Variants in KCMF1 observed in about 807,000 individuals in gnomAD.
KCMF1 encodes potassium channel modulatory factor 1.
A neutral mutation model predicts 41.1 loss-of-function variants in KCMF1; 3 were observed. The ratio of observed to expected loss-of-function variants is 0.07; its 90% CI spans 0.03 to 0.19. The LOEUF is 0.19. KCMF1 is among the 10% of genes least tolerant of loss of function. The pLI is 1.00. For missense variants in KCMF1, 286 were observed against 488.9 expected, an observed-to-expected ratio of 0.58 and a Z score of 3.91; for synonymous variants, 142 against 164.5, an observed-to-expected ratio of 0.86 and a Z score of 1.04.
chr2:85,050,762 T>A (rs1189863466), intron 6 of KCMF1, among the ~76,000 whole-genome samples: 3 of 152,258 alleles, frequency 2.0e-5, no homozygotes, highest in African/African-American at 7.2e-5. Flanking sequence ...TTCATTGGGA[T>A]GTTAGAGGAA....
chr2:85,027,711 A>G (rs545012909), intron 1 of KCMF1, among the ~76,000 whole-genome samples, 178 bp from the exon 2 acceptor site: 9 of 152,264 alleles, frequency 5.9e-5, no homozygotes, highest in African/African-American at 2.2e-4. Context: ...CATGTGGAGT[A>G]TAAATCAGAG....
At chr2:85,040,031 G>T (rs1675488814) in intron 3 of KCMF1, among the ~76,000 whole-genome samples, 2 of 152,192 alleles carry the variant, frequency 1.3e-5, no homozygotes, top group South Asian at 4.2e-4. Context: ...GGCCAGACTG[G>T]TCTCAAACTC....
chr2:84,979,036 TG>T (rs1476199158), intron 1 of KCMF1, among the ~76,000 whole-genome samples: 7 of 151,652 alleles, frequency 4.6e-5, no homozygotes, highest in African/African-American at 1.5e-4. Flanking sequence ...TTAGTAGAGA[TG>T]GGATTTCACC....
At position 85,047,809 on chromosome 2, in the gene KCMF1, T is replaced by C. The variant is rs527618040; in HGVS notation, c.601+1531T>C. Among the ~76,000 whole-genome samples, 5 of 152,266 alleles carry C rather than the reference T, an allele frequency of 3.3e-5. No homozygotes were observed. The South Asian group carries it at 8.3e-4, about 25-fold the overall frequency. ...AAGCAACAATTCTGAAATGTGTCCA[T>C]GTGGTGAAGTGTGCACCTACCTGGA... is the stretch of plus-strand genomic sequence containing the variant. On this transcript the variant is annotated intron_variant, in intron 5 of 6. Transcript: ENST00000409785.
At chr2:85,017,663 G>A (rs17040865) in intron 1 of KCMF1, among the ~76,000 whole-genome samples, 12,356 of 150,654 alleles carry the variant, frequency 0.082, 810 homozygotes, top group East Asian at 0.36. Flanking sequence ...AAATGAGGTC[G>A]ACTTCCTGTT....
chr2:84,994,417 T>C (rs181727739), intron 1 of KCMF1, among the ~76,000 whole-genome samples: 10 of 152,178 alleles, frequency 6.6e-5, no homozygotes, highest in Admixed American at 2.0e-4. Context: ...CTTCTTTTTT[T>C]TTTGAGACGG....
At position 85,002,578 on chromosome 2, in the gene KCMF1, T is replaced by A. The variant is rs554744497; in HGVS notation, c.17-25311T>A. 1.6e-4 allele frequency among the ~76,000 whole-genome samples: 24 copies of A among 151,992 alleles called. No homozygotes were observed. In the South Asian group the frequency reaches 2.5e-3, roughly 16 times the overall value. On this transcript the variant is annotated intron_variant, in intron 1 of 6. Transcript: ENST00000409785. ...GAAACCAACACTAGTACATTATTAC[T>A]AATAAAGCTCCTGACTTTATTGAGG...
At chr2:85,004,632 A>AT (rs1674421181) in intron 1 of KCMF1, among the ~76,000 whole-genome samples, 1 of 151,980 alleles carries the variant, frequency 6.6e-6, no homozygotes, top group Admixed American at 6.6e-5. Flanking sequence ...GAACAACTGA[A>AT]TTTTTTGGAG....
At chr2:84,987,371 G>A (rs1673928880) in intron 1 of KCMF1, among the ~76,000 whole-genome samples, 1 of 152,162 alleles carries the variant, frequency 6.6e-6, no homozygotes, top group South Asian at 2.1e-4. Context: ...CCTTTTTGCT[G>A]GAATGAGCTT....
chr2:85,022,579 TTTTG>T (rs982850362), intron 1 of KCMF1, among the ~76,000 whole-genome samples: 18 of 152,270 alleles, frequency 1.2e-4, no homozygotes, highest in Admixed American at 5.2e-4. Flanking sequence ...CTTTCTGTTT[TTTTG>T]TTTGTTTGTT....
At position 85,046,098 on chromosome 2, in the gene KCMF1, G is replaced by A. The variant is rs550123354; in HGVS notation, c.427-6G>A. On this transcript the variant is annotated splice_region_variant and splice_polypyrimidine_tract_variant and intron_variant, in intron 4 of 6. Transcript: ENST00000409785. ...ACTTTCGTTTTTTTCTTAACTTTTG[G>A]GTTATGATGAATCGAGTGGTGTTCG... 6.9e-6 allele frequency: 11 copies of A among 1,599,804 alleles called. No individual in the cohort carries two copies. In the South Asian group the frequency reaches 1.0e-4, roughly 15 times the overall value.
chr2:84,989,515 G>A (rs1673986273), intron 1 of KCMF1, among the ~76,000 whole-genome samples: 1 of 152,152 alleles, frequency 6.6e-6, no homozygotes, highest in Non-Finnish European at 1.5e-5. Flanking sequence ...CTGAAAGATA[G>A]CACTTTGGAG....
intron 3 of KCMF1, among the ~76,000 whole-genome samples, chr2:85,036,168 G>A (rs1675398250): frequency 6.6e-6 from 1 of 152,180 alleles, no homozygotes; most frequent in South Asian, 2.1e-4. Context: ...AACATGTATA[G>A]TTCAAACAGT....
intron 1 of KCMF1, among the ~76,000 whole-genome samples, chr2:85,008,312 T>TATATAATATATAATATGATATATA (rs372495671): frequency 0.015 from 273 of 18,120 alleles, 7 homozygotes; most frequent in African/African-American, 0.022. Flanking sequence ...TATAATATGA[T>TATATAATATATAATATGATATATA]ATATATATCA....
At position 84,976,831 on chromosome 2, in the gene KCMF1, G is replaced by A. The variant is rs577252994; in HGVS notation, c.16+5364G>A. Among the ~76,000 whole-genome samples the A allele has an allele frequency of 2.8e-3, 428 of 151,772 alleles. 2 individuals are homozygous for A. Among genetic ancestry groups the A allele is most frequent in the African/African-American group, 9.4e-3 (388 of 41,370 alleles). ...AAAATGTAAAATACAAGACTACGTA[G>A]GCCATTAATCTACTTAGTCCCAACT... On this transcript the variant is annotated intron_variant, in intron 1 of 6. Transcript: ENST00000409785.
At chr2:85,041,164 G>A (rs1187754294) in intron 3 of KCMF1, among the ~76,000 whole-genome samples, 2 of 152,106 alleles carry the variant, frequency 1.3e-5, no homozygotes, top group Non-Finnish European at 2.9e-5. Context: ...ATGGAAGTTT[G>A]GTTGGTTGAT....
intron 1 of KCMF1, among the ~76,000 whole-genome samples, chr2:85,021,713 G>A (rs1484995964): frequency 1.3e-5 from 2 of 151,502 alleles, no homozygotes; most frequent in Non-Finnish European, 1.5e-5. Context: ...TTTGATTCTC[G>A]TAGCAAACTT....
Position 84,971,464 on chromosome 2 carries a change from GA to G in KCMF1, c.15del (p.Gly6ValfsTer8). The G allele has an allele frequency of 2.3e-6, 3 of 1,286,080 alleles. No homozygotes were observed. The highest frequency in any genetic ancestry group is 3.0e-6 in the Non-Finnish European group (3 of 993,738). 79.7% of individuals were successfully genotyped at this position (1,286,080 alleles called of 1,614,324 possible). A position where few individuals can be genotyped will look rare whatever the true frequency, so the allele number is the denominator to read the frequency against. On this transcript the variant is annotated frameshift_variant and splice_region_variant, in exon 1 of 7. Transcript: ENST00000409785. LOFTEE classifies it high-confidence loss of function. MSRHEGVSCDACLKG... is the reference protein window; with the variant it reads MSRHXGVSCDACLKG... ...CGTCTGAACTAGGATGTCCCGACATGAAGGTGAGAGGAGCCCCCGCCCCCAC... is the reference window on the plus strand; with the variant it reads ...CGTCTGAACTAGGATGTCCCGACATGAGGTGAGAGGAGCCCCCGCCCCCAC...
intron 1 of KCMF1, among the ~76,000 whole-genome samples, chr2:84,985,201 G>GA (rs1266757348): frequency 6.6e-6 from 1 of 152,192 alleles, no homozygotes; most frequent in Non-Finnish European, 1.5e-5. Context: ...GGTAGGAAGT[G>GA]AAGTTGGCGT....
Sources: allele counts gnomAD v4.1 joint callset (sites outside exome capture counted in the v4.1 genomes callset), GRCh38; gene constraint gnomAD v4.1.1; transcripts MANE v1.5; gene names NCBI Gene and HGNC (gene_info 2026-07-23, HGNC 2026-07-21).